Variants in FXR1 observed in about 807,000 individuals in gnomAD.
FXR1 encodes the protein RNA-binding protein FXR1.
FXR1 carries 15 observed loss-of-function variants against 84.0 expected under a neutral mutation model. The observed-to-expected ratio is 0.18, with a 90% confidence interval of 0.12 to 0.27. The LOEUF (loss-of-function observed/expected upper bound fraction) is 0.27, where lower values mean the gene tolerates loss of function less well. Among genes scored for constraint, FXR1 ranks in the 10% least tolerant of loss-of-function variants. The pLI, the probability that FXR1 is intolerant of heterozygous loss-of-function variation, is 1.00. For missense variants in FXR1, 480 were observed against 774.4 expected, an observed-to-expected ratio of 0.62 and a Z score of 4.51; for synonymous variants, 245 against 250.7, an observed-to-expected ratio of 0.98 and a Z score of 0.21.
At chr3:180,956,920 T>C (rs1036453750) in intron 9 of FXR1, among the ~76,000 whole-genome samples, 2 of 152,320 alleles carry the variant, frequency 1.3e-5, no homozygotes, top group African/African-American at 4.8e-5. Flanking sequence ...TTTAAGTTTT[T>C]GTGAAAAGTG....
intron 1 of FXR1, among the ~76,000 whole-genome samples, chr3:180,924,392 G>C (rs957186813): frequency 6.6e-6 from 1 of 152,058 alleles, no homozygotes; most frequent in African/African-American, 2.4e-5. Context: ...TTATTGCATC[G>C]GGCTGTATTC....
chr3:180,958,940 T>A (rs1336700700), intron 10 of FXR1, among the ~76,000 whole-genome samples: 4 of 151,886 alleles, frequency 2.6e-5, no homozygotes, highest in Non-Finnish European at 4.4e-5. Flanking sequence ...CCTGAGTAGC[T>A]GGGACTACAG....
chr3:180,912,974 C>T (rs538542602), intron 1 of FXR1, among the ~76,000 whole-genome samples: 60 of 152,276 alleles, frequency 3.9e-4, no homozygotes, highest in African/African-American at 1.2e-3. Flanking sequence ...TAGTTATGAA[C>T]CCTCTTGGTT....
At chr3:180,957,124 C>T (rs1005747520) in intron 9 of FXR1, among the ~76,000 whole-genome samples, 4 of 151,898 alleles carry the variant, frequency 2.6e-5, no homozygotes, top group African/African-American at 4.8e-5. Flanking sequence ...GAAAGAGAGC[C>T]TTTTGACCCC....
intron 10 of FXR1, among the ~76,000 whole-genome samples, chr3:180,959,350 G>GTT (rs11336001): frequency 9.0e-5 from 13 of 144,128 alleles, no homozygotes; most frequent in Non-Finnish European, 1.4e-4. Flanking sequence ...AATGTTTAGT[G>GTT]TTTTTTTTTT....
In FXR1 at chr3:180,976,463, T is replaced by TG; in HGVS notation, c.*171_*172insG. Reference sequence around the variant, plus strand: ...TGAAGAAATCATATGTTAAACATACTTTGACACCTACTGTGTTATAAAATA... The same window carrying TG: ...TGAAGAAATCATATGTTAAACATACTGTTGACACCTACTGTGTTATAAAATA... On this transcript the variant is annotated 3_prime_UTR_variant, in exon 17 of 17. Transcript: ENST00000357559. 3 of 498,280 alleles carry TG rather than the reference T, an allele frequency of 6.0e-6. No homozygotes were observed. In the Admixed American group the frequency reaches 1.1e-4, roughly 19 times the overall value. 30.9% of individuals were successfully genotyped at this position (498,280 alleles called of 1,614,324 possible). A position where few individuals can be genotyped will look rare whatever the true frequency, so the allele number is the denominator to read the frequency against.
intron 13 of FXR1, among the ~76,000 whole-genome samples, chr3:180,967,236 G>A (rs569688531): frequency 1.3e-5 from 2 of 152,072 alleles, no homozygotes; most frequent in East Asian, 1.9e-4. Context: ...GGCAAAAACC[G>A]CAATTTAAGA....
intron 3 of FXR1, among the ~76,000 whole-genome samples, chr3:180,943,116 G>A (rs958228884): frequency 1.3e-5 from 2 of 151,688 alleles, no homozygotes; most frequent in South Asian, 4.2e-4. Flanking sequence ...ACAGGCACTC[G>A]CCACCATGCC....
chr3:180,912,779 G>A (rs781040525), intron 1 of FXR1, 43 bp downstream of exon 1: 4 of 1,613,936 alleles, frequency 2.5e-6, no homozygotes, highest in East Asian at 2.2e-5. Flanking sequence ...CTGGGTGCTG[G>A]AGCGCGTTTG....
At chr3:180,944,204 C>T (rs143010133) in intron 3 of FXR1, among the ~76,000 whole-genome samples, 1,593 of 151,760 alleles carry the variant, frequency 0.01, 36 homozygotes, top group African/African-American at 0.037. Flanking sequence ...TGAGCCACCG[C>T]GCCCGGCCTA....
intron 16 of FXR1, among the ~76,000 whole-genome samples, chr3:180,975,647 T>C (rs1035999467): frequency 6.6e-6 from 1 of 152,208 alleles, no homozygotes; most frequent in African/African-American, 2.4e-5. Context: ...CCAAAGATAC[T>C]GGGCATAGAG....
intron 3 of FXR1, among the ~76,000 whole-genome samples, chr3:180,938,484 A>T (rs559397020): frequency 2.6e-5 from 4 of 152,044 alleles, no homozygotes; most frequent in Non-Finnish European, 5.9e-5. Flanking sequence ...TGAATTGTCT[A>T]TTTTTTGTTT....
At chr3:180,968,520 TTGGAGG>T in intron 14 of FXR1, 1 of 283,516 alleles carries the variant, frequency 3.5e-6, no homozygotes, top group Non-Finnish European at 6.6e-6. Context: ...TCTTCAGGTT[TTGGAGG>T]CTTATTTAAT....
rs1286177281 is a variant in FXR1 at position 180,979,250 on chromosome 3, A to C, written c.*2958A>C. Reference sequence around the variant, plus strand: ...AACAGATTTACGCTTTTGAGGCTCAAACCAACTAGTGTTCTCATGGGCTGT... The same window carrying C: ...AACAGATTTACGCTTTTGAGGCTCACACCAACTAGTGTTCTCATGGGCTGT... On this transcript the variant is annotated 3_prime_UTR_variant, in exon 17 of 17. Transcript: ENST00000357559. 6.6e-6 allele frequency: 1 copy of C among 152,130 alleles called. No individual in the cohort carries two copies. The highest frequency in any genetic ancestry group is 1.5e-5 in the Non-Finnish European group (1 of 67,992). The allele number at this position is 152,130 out of a possible 1,614,324, so 9.4% of individuals were successfully genotyped here.
In FXR1 at chr3:180,976,743, T is replaced by TTA. The variant is rs889693153; in HGVS notation, c.*451_*452insTA. The TTA allele has an allele frequency of 6.5e-6, 1 of 152,810 alleles. No homozygotes were observed. The highest frequency in any genetic ancestry group is 6.5e-5 in the Admixed American group (1 of 15,282). 9.5% of individuals were successfully genotyped at this position (152,810 alleles called of 1,614,324 possible). The stretch of plus-strand genomic sequence containing the variant: ...TTGCACTGAATTGTAATTTCTTCAT[T>TTA]AGTTTAGTCTGGAAACTGGTCTGTT... On this transcript the variant is annotated 3_prime_UTR_variant, in exon 17 of 17. Coordinates refer to ENST00000357559, the MANE Select transcript of FXR1 (RefSeq NM_005087.4).
intron 3 of FXR1, among the ~76,000 whole-genome samples, chr3:180,946,889 C>A (rs1395306995): frequency 1.3e-5 from 2 of 152,170 alleles, no homozygotes; most frequent in Non-Finnish European, 2.9e-5. Flanking sequence ...TCTCAGCCCC[C>A]CTTTTCTACC....
At chr3:180,927,949 T>A (rs1399575163) in intron 1 of FXR1, 1 of 290,680 alleles carries the variant, frequency 3.4e-6, no homozygotes, top group Non-Finnish European at 6.3e-6. Context: ...CCTTTGTATG[T>A]GATGCTTTTA....
intron 1 of FXR1, among the ~76,000 whole-genome samples, chr3:180,930,275 A>G (rs1321076937): frequency 6.6e-6 from 1 of 151,970 alleles, no homozygotes; most frequent in East Asian, 1.9e-4. Context: ...AAAAAAAAAG[A>G]AAGTAGTTGT....
intron 14 of FXR1, among the ~76,000 whole-genome samples, chr3:180,969,216 T>G (rs1178222861): frequency 1.3e-5 from 2 of 152,212 alleles, no homozygotes; most frequent in Admixed American, 6.5e-5. Context: ...GTAATAGTTT[T>G]TATATTTTAG....
Sources: gnomAD v4.1 joint callset for allele counts (sites outside exome capture counted in the v4.1 genomes callset) on GRCh38, gnomAD v4.1.1 for gene constraint, MANE v1.5 for transcripts, NCBI Gene and HGNC (gene_info 2026-07-23, HGNC 2026-07-21) for gene names.